GJE1: variants seen among roughly 807,000 people sequenced by gnomAD.
GJE1 encodes gap junction protein epsilon 1.
In GJE1, 9 loss-of-function variants were observed where a neutral mutation model predicts 6.2. The ratio of observed to expected loss-of-function variants is 1.45; its 90% CI spans 0.87 to 2.52. The LOEUF is 2.52. GJE1 is among the 30% of genes most tolerant of loss of function. The probability of loss-of-function intolerance (pLI) is 0.00; values close to 1 mark genes in which losing one functional copy is unlikely to be tolerated. For missense variants in GJE1, 190 were observed against 87.7 expected (o/e 2.17, Z -4.66); for synonymous variants, 65 against 30.1 (o/e 2.16, Z -3.80).
intron 1 of GJE1, 21 bp downstream of exon 1, chr6:142,133,218 A>T: frequency 1.5e-6 from 1 of 650,898 alleles, no homozygotes; most frequent in Non-Finnish European, 2.8e-6. Flanking sequence ...TACAAACAAA[A>T]AATCAATTGT....
chr6:142,134,123 C>T (rs1436858461), intron 2 of GJE1, 79 bp downstream of exon 2: 4 of 514,358 alleles, frequency 7.8e-6, no homozygotes, highest in Non-Finnish European at 1.4e-5. Context: ...TGAGAAATAC[C>T]CTAACAGGTT....
rs773328628 is a variant in GJE1 at position 142,134,763 on chromosome 6, TG to T, written c.463del (p.Glu155LysfsTer3). ...TTTACCTGTGTGATGCTAGATCTCT[TG>T]GGGAAAACATGATTATAAGATGCAT... On this transcript the variant is annotated frameshift_variant, in exon 3 of 3. Coordinates refer to ENST00000450456, the Ensembl canonical transcript of GJE1. LOFTEE classifies it high-confidence loss of function. The T allele has an allele frequency of 1.4e-6, 1 of 691,962 alleles. No individual in the cohort carries two copies. Among genetic ancestry groups the T allele is most frequent in the South Asian group, 1.5e-5 (1 of 64,918 alleles). The allele number at this position is 691,962 out of a possible 1,614,324, so 42.9% of individuals were successfully genotyped here.
At position 142,134,574 on chromosome 6, in the gene GJE1, T is replaced by G. The variant is rs568134096; in HGVS notation, c.270T>G (p.Ala90=). The change falls in exon 3 of 3, where the codon GCT becomes GCG. Residue 90 remains alanine (A), a synonymous_variant. Coordinates refer to ENST00000450456, the Ensembl canonical transcript of GJE1. ...TAGTTATTGTCCTGGTTCCTGGAGC[T>G]CTTTTCCACCTTTATGCTGCATGTA... 36 of 605,764 alleles carry G rather than the reference T, an allele frequency of 5.9e-5. No homozygotes were observed. The African/African-American group carries it at 6.4e-4, about 11-fold the overall frequency. 37.5% of individuals were successfully genotyped at this position (605,764 alleles called of 1,614,324 possible).
At chr6:142,134,004 A>T in exon 2 of GJE1, 1 of 702,424 alleles carries the variant, frequency 1.4e-6, no homozygotes. Context: ...CTCTTCTGTT[A>T]CAATCAGTTC....
chr6:142,134,054 T>A lies in GJE1; in HGVS notation c.234+10T>A. ...ACAAGTAAGTTTTTCTGTGTGCACATAAACATTAACTCTACAACAAACTCA... is the reference window on the plus strand; with the variant it reads ...ACAAGTAAGTTTTTCTGTGTGCACAAAAACATTAACTCTACAACAAACTCA... On this transcript the variant is annotated intron_variant, in intron 2 of 2. Transcript: ENST00000450456. 1.5e-6 allele frequency: 1 copy of A among 665,464 alleles called. No individual in the cohort carries two copies. Among genetic ancestry groups the A allele is most frequent in the Non-Finnish European group, 2.8e-6 (1 of 359,688 alleles). 41.2% of individuals were successfully genotyped at this position (665,464 alleles called of 1,614,324 possible). A position where few individuals can be genotyped will look rare whatever the true frequency, so the allele number is the denominator to read the frequency against.
exon 1 of GJE1, chr6:142,133,183 T>G (rs1434812908): frequency 8.7e-6 from 6 of 687,406 alleles, no homozygotes; most frequent in Non-Finnish European, 1.3e-5. Context: ...CATCAAAAAC[T>G]TCTATGAAGG....
chr6:142,134,962 T>C (rs1778224278), exon 3 of GJE1: 1 of 506,126 alleles, frequency 2.0e-6, no homozygotes, highest in African/African-American at 2.0e-5. Context: ...TTATTTATCA[T>C]TTTTATTTAG....
upstream of GJE1, chr6:142,132,998 G>T (rs899832577): frequency 1.3e-4 from 58 of 454,984 alleles, no homozygotes; most frequent in Admixed American, 2.1e-3. Context: ...GGGCCCCAGA[G>T]ATCTAAGAGT....
At chr6:142,132,984 A>T (rs936108890), upstream of GJE1, 1 of 426,976 alleles carries the variant, frequency 2.3e-6, no homozygotes, top group Non-Finnish European at 4.2e-6. Context: ...AGGAAGGTTG[A>T]ATGGGGCCCC....
intron 2 of GJE1, 89 bp from the exon 3 acceptor site, chr6:142,134,450 A>C: frequency 2.2e-6 from 1 of 455,364 alleles, no homozygotes. Flanking sequence ...GACTCTGTTG[A>C]GAGTTAGTGG....
chr6:142,134,825 T>C, exon 3 of GJE1: 1 of 669,344 alleles, frequency 1.5e-6, no homozygotes, highest in Non-Finnish European at 2.7e-6. Context: ...ATTTTTCTCA[T>C]TGCAATAAAT....
chr6:142,132,934 C>A (rs941846385), upstream of GJE1, among the ~76,000 whole-genome samples: 1 of 152,024 alleles, frequency 6.6e-6, no homozygotes, highest in African/African-American at 2.4e-5. Flanking sequence ...ATGCTCTCTG[C>A]TTTTGTTTCT....
At chr6:142,133,492 G>A (rs1778184178) in intron 1 of GJE1, among the ~76,000 whole-genome samples, 1 of 152,132 alleles carries the variant, frequency 6.6e-6, no homozygotes, top group South Asian at 2.1e-4. Flanking sequence ...ATAGTGTACG[G>A]ACTGAGCTTA....
In GJE1 at chr6:142,135,018, A is replaced by G. The variant is rs528989788; in HGVS notation, c.*96A>G. 2.7e-5 allele frequency: 12 copies of G among 445,162 alleles called. 1 individual carries two copies. The South Asian group carries it at 6.1e-4, about 23-fold the overall frequency. 27.6% of individuals were successfully genotyped at this position (445,162 alleles called of 1,614,324 possible). Reference sequence around the variant, plus strand: ...ACAATTTCAAAACAAACTTACTTCAATGTGTCTGAAATTTTTGTCTACTAT... The same window carrying G: ...ACAATTTCAAAACAAACTTACTTCAGTGTGTCTGAAATTTTTGTCTACTAT... On this transcript the variant is annotated 3_prime_UTR_variant, in exon 3 of 3. Coordinates refer to ENST00000450456, the Ensembl canonical transcript of GJE1.
rs1303455880 is a variant in GJE1 at position 142,134,655 on chromosome 6, ACT to A, written c.356_357del (p.Ser119CysfsTer6). The A allele has an allele frequency of 4.3e-6, 3 of 695,506 alleles. No individual in the cohort carries two copies. The highest frequency in any genetic ancestry group is 2.1e-5 in the Admixed American group (1 of 48,032). The allele number at this position is 695,506 out of a possible 1,614,324, so 43.1% of individuals were successfully genotyped here. ...AGCCTATCTACACTATAATTTATAT[ACT>A]CTCTGTTTTATTAAGAATTAGTCTA... On this transcript the variant is annotated frameshift_variant, in exon 3 of 3. Coordinates refer to ENST00000450456, the Ensembl canonical transcript of GJE1. LOFTEE classifies it high-confidence loss of function.
At chr6:142,133,882 C>T in exon 2 of GJE1, 4 of 701,214 alleles carry the variant, frequency 5.7e-6, no homozygotes, top group Non-Finnish European at 1.0e-5. Flanking sequence ...GTCAATTCCA[C>T]ACCCTTTTCT....
exon 1 of GJE1, chr6:142,133,105 C>A: frequency 3.2e-6 from 2 of 623,712 alleles, no homozygotes; most frequent in East Asian, 2.8e-5. Flanking sequence ...AGCAAACTGG[C>A]AATGTGGGTC....
At chr6:142,132,949 T>C (rs904599025), upstream of GJE1, 8 of 396,674 alleles carry the variant, frequency 2.0e-5, no homozygotes, top group Admixed American at 4.2e-5. Flanking sequence ...GTTTCTTTGT[T>C]TTTGTTTTGT....
chr6:142,134,157 CTT>C (rs1171173665), intron 2 of GJE1, 113 bp downstream of exon 2: 1 of 494,876 alleles, frequency 2.0e-6, no homozygotes, highest in East Asian at 3.0e-5. Flanking sequence ...GATTATGTTA[CTT>C]TTTCTTTAAT....
Sources: allele counts gnomAD v4.1 joint callset (sites outside exome capture counted in the v4.1 genomes callset), GRCh38; gene constraint gnomAD v4.1.1; transcripts MANE v1.5; gene names NCBI Gene and HGNC (gene_info 2026-07-23, HGNC 2026-07-21).